CD163L1: variants seen among roughly 807,000 people sequenced by gnomAD.
The protein encoded by CD163L1 is scavenger receptor cysteine-rich type 1 protein M160.
A neutral mutation model predicts 165.4 loss-of-function variants in CD163L1; 124 were observed. The ratio of observed to expected loss-of-function variants is 0.75; its 90% CI spans 0.65 to 0.87. CD163L1 has a LOEUF of 0.87. CD163L1 is among the 40% of genes least tolerant of loss of function. The pLI is 0.00. For missense variants in CD163L1, 1,525 were observed against 1,799.9 expected (o/e 0.85, Z 2.76); for synonymous variants, 585 against 662.2 (o/e 0.88, Z 1.79).
At position 7,398,445 on chromosome 12, in the gene CD163L1, T is replaced by G; in HGVS notation, c.1548A>C (p.Gln516His). ...CATGCAAAGGCTTTCCACATCCCAA[T>G]TGTTTACAAACAACAGCTGCATTCC... ...STRNAAVVCK[Q>H]LGCGKPLHVF... is the part of the protein sequence containing the mutation. The change falls in exon 7 of 20, where the codon CAA becomes CAC. Residue 516 changes from glutamine (Q) to histidine (H), a missense_variant. Transcript: ENST00000313599. This position sits in a 1 kb window ranked among gnomAD's most constrained non-coding sequence, Gnocchi z 4.5. 1.2e-6 allele frequency: 2 copies of G among 1,614,126 alleles called. No homozygotes were observed. Among genetic ancestry groups the G allele is most frequent in the Non-Finnish European group, 1.7e-6 (2 of 1,180,006 alleles).
intron 14 of CD163L1, 51 bp downstream of exon 14, chr12:7,373,269 G>C (rs11053518): frequency 0.73 from 1,077,076 of 1,482,182 alleles, 399,958 homozygotes; most frequent in Non-Finnish European, 0.78. Flanking sequence ...TTTATGGTAA[G>C]TTATATTTCA....
At chr12:7,356,414 C>T (rs1028883563) in intron 19 of CD163L1, among the ~76,000 whole-genome samples, 13 of 151,910 alleles carry the variant, frequency 8.6e-5, no homozygotes, top group East Asian at 1.9e-4. Flanking sequence ...TGAGAAAAAA[C>T]GGAGAAACTC....
At chr12:7,370,913 A>C (rs1235210489) in intron 14 of CD163L1, among the ~76,000 whole-genome samples, 2 of 152,028 alleles carry the variant, frequency 1.3e-5, no homozygotes, top group Admixed American at 6.6e-5. Context: ...CTGTATCCCC[A>C]CCCAAATCTC....
At chr12:7,439,060 C>G in intron 2 of CD163L1, 2 of 1,586,570 alleles carry the variant, frequency 1.3e-6, no homozygotes, top group Non-Finnish European at 1.7e-6. Flanking sequence ...TGTCTAGGGG[C>G]TTCTCAAAGC....
At chr12:7,386,483 C>T (rs1345021461) in intron 8 of CD163L1, among the ~76,000 whole-genome samples, 3 of 151,740 alleles carry the variant, frequency 2.0e-5, no homozygotes, top group Non-Finnish European at 1.5e-5. Flanking sequence ...GCCAGTATTA[C>T]CCTGATACCA....
At chr12:7,421,632 TA>T in intron 4 of CD163L1, among the ~76,000 whole-genome samples, 1 of 104,974 alleles carries the variant, frequency 9.5e-6, no homozygotes, top group Non-Finnish European at 1.7e-5. Context: ...CATATATACA[TA>T]TATGTACACA....
At chr12:7,393,909 C>T (rs111511062) in intron 8 of CD163L1, among the ~76,000 whole-genome samples, 6 of 151,950 alleles carry the variant, frequency 3.9e-5, no homozygotes, top group Admixed American at 6.6e-5. Context: ...CACTGCTCAA[C>T]GAAATAAAAG....
chr12:7,393,014 T>C (rs898935252), intron 8 of CD163L1, among the ~76,000 whole-genome samples: 1 of 152,172 alleles, frequency 6.6e-6, no homozygotes, highest in Non-Finnish European at 1.5e-5. Flanking sequence ...TTGGTACCAT[T>C]CTTTCCGAAA....
the CD163L1 span, among the ~76,000 whole-genome samples, chr12:7,320,178 A>G: frequency 6.6e-6 from 1 of 152,242 alleles, no homozygotes; most frequent in Non-Finnish European, 1.5e-5. Flanking sequence ...TAAGATGCCT[A>G]GGCCATATCT....
At chr12:7,371,835 G>A (rs34985304) in intron 14 of CD163L1, among the ~76,000 whole-genome samples, 1 of 151,586 alleles carries the variant, frequency 6.6e-6, no homozygotes, top group Non-Finnish European at 1.5e-5. Context: ...AAAGAGCAGG[G>A]AGCACAAATA....
At chr12:7,367,528 C>T (rs76509897) in intron 17 of CD163L1, 197 bp from the exon 18 acceptor site, 17 of 432,936 alleles carry the variant, frequency 3.9e-5, no homozygotes, top group Non-Finnish European at 6.8e-5. Flanking sequence ...TATTCTTCCA[C>T]TTTTATTACC....
chr12:7,370,552 A>G (rs1947123790), intron 14 of CD163L1, among the ~76,000 whole-genome samples: 1 of 152,246 alleles, frequency 6.6e-6, no homozygotes, highest in South Asian at 2.1e-4. Flanking sequence ...CTTTTAGGTA[A>G]TTTGGCTTCT....
intron 2 of CD163L1, chr12:7,439,904 CTT>C (rs2136652721): frequency 6.4e-7 from 1 of 1,569,866 alleles, no homozygotes; most frequent in East Asian, 2.3e-5. Context: ...CCAACTCCTT[CTT>C]CGACTTCGGC....
the CD163L1 span, chr12:7,324,453 T>G: frequency 6.2e-7 from 1 of 1,613,986 alleles, no homozygotes; most frequent in South Asian, 1.1e-5. Flanking sequence ...GAGGGAGATC[T>G]CTAACTTGGA....
At chr12:7,402,990 T>C (rs1947943557) in intron 6 of CD163L1, among the ~76,000 whole-genome samples, 1 of 152,156 alleles carries the variant, frequency 6.6e-6, no homozygotes, top group Non-Finnish European at 1.5e-5. Context: ...AAATGTTTTA[T>C]ACTTAAAATA....
At chr12:7,359,091 A>G (rs1946838827) in intron 18 of CD163L1, among the ~76,000 whole-genome samples, 1 of 152,130 alleles carries the variant, frequency 6.6e-6, no homozygotes, top group African/African-American at 2.4e-5. Flanking sequence ...GAATATCCAA[A>G]AATTGTGAAA....
chr12:7,410,725 G>A (rs778002505), intron 4 of CD163L1, among the ~76,000 whole-genome samples: 154 of 151,676 alleles, frequency 1.0e-3, no homozygotes, highest in African/African-American at 3.6e-3. Context: ...AGCTACTCGG[G>A]AGGCTGAGGC....
chr12:7,437,012 A>C lies in CD163L1; in HGVS notation c.125-3318T>G, dbSNP rs148972766. On this transcript the variant is annotated intron_variant, in intron 2 of 19. Coordinates refer to ENST00000313599, the MANE Select transcript of CD163L1 (RefSeq NM_174941.6). Reference sequence around the variant, plus strand: ...ACTATATAGGTAATAACCAATATATAAAATATAATGAAATAATTTTCTTGA... The same window carrying C: ...ACTATATAGGTAATAACCAATATATCAAATATAATGAAATAATTTTCTTGA... Among the ~76,000 whole-genome samples, 391 of 150,826 alleles carry C rather than the reference A, an allele frequency of 2.6e-3. 1 individual carries two copies. Among genetic ancestry groups the C allele is most frequent in the African/African-American group, 9.2e-3 (381 of 41,414 alleles).
chr12:7,393,201 G>A (rs950189211), intron 8 of CD163L1, among the ~76,000 whole-genome samples: 14 of 152,140 alleles, frequency 9.2e-5, no homozygotes, highest in Admixed American at 1.3e-4. Flanking sequence ...GAATCCAGCA[G>A]CACATCAAAA....
Sources: gnomAD v4.1 joint callset for allele counts (sites outside exome capture counted in the v4.1 genomes callset) on GRCh38, gnomAD v4.1.1 for gene constraint, Gnocchi (gnomAD v3.1) non-coding constraint, MANE v1.5 for transcripts, NCBI Gene and HGNC (gene_info 2026-07-23, HGNC 2026-07-21) for gene names.